The following PEX5L variants were observed in gnomAD, a reference collection of about 807,000 sequenced individuals.
The protein encoded by PEX5L is PEX5-related protein.
PEX5L carries 30 observed loss-of-function variants against 84.0 expected under a neutral mutation model. The ratio of observed to expected loss-of-function variants is 0.36; its 90% confidence interval spans 0.27 to 0.48. PEX5L has a LOEUF of 0.48. PEX5L is among the 20% of genes least tolerant of loss of function. The pLI is 0.99. For missense variants in PEX5L, 533 were observed against 754.6 expected (o/e 0.71, Z 3.44); for synonymous variants, 270 against 283.1 (o/e 0.95, Z 0.46).
At chr3:179,945,691 C>T (rs976505880) in intron 2 of PEX5L, among the ~76,000 whole-genome samples, 5 of 152,186 alleles carry the variant, frequency 3.3e-5, no homozygotes, top group Non-Finnish European at 7.3e-5. Flanking sequence ...GACACCTTTC[C>T]TTGGGAGTGC....
At chr3:179,979,729 C>A (rs1786140678) in intron 1 of PEX5L, among the ~76,000 whole-genome samples, 1 of 152,198 alleles carries the variant, frequency 6.6e-6, no homozygotes, top group South Asian at 2.1e-4. Context: ...AGAAAAATAA[C>A]AAATAATCTA....
At chr3:179,916,966 G>A (rs1350244680) in intron 2 of PEX5L, among the ~76,000 whole-genome samples, 2 of 151,384 alleles carry the variant, frequency 1.3e-5, no homozygotes, top group African/African-American at 2.4e-5. Flanking sequence ...CACCATGCCC[G>A]ACCTAAAAAA....
intron 2 of PEX5L, among the ~76,000 whole-genome samples, chr3:179,916,990 C>T (rs554821812): frequency 7.2e-6 from 1 of 139,226 alleles, no homozygotes; most frequent in Non-Finnish European, 1.6e-5. Context: ...CTTTTTGATC[C>T]TTTTGTAATA....
At chr3:179,880,722 A>G (rs1327196546) in intron 4 of PEX5L, among the ~76,000 whole-genome samples, 1 of 152,246 alleles carries the variant, frequency 6.6e-6, no homozygotes, top group African/African-American at 2.4e-5. Context: ...TTGAATTTCA[A>G]TGTAACTAAC....
At chr3:179,862,947 G>C (rs1560433547) in intron 7 of PEX5L, among the ~76,000 whole-genome samples, 1 of 152,146 alleles carries the variant, frequency 6.6e-6, no homozygotes, top group Non-Finnish European at 1.5e-5. Context: ...ATATTACAAA[G>C]CTATAGTGAT....
intron 2 of PEX5L, among the ~76,000 whole-genome samples, chr3:179,915,623 C>A (rs923336548): frequency 2.0e-5 from 3 of 152,112 alleles, no homozygotes; most frequent in Non-Finnish European, 2.9e-5. Context: ...CATTTTCTGA[C>A]TTTCTGAATT....
At chr3:179,884,253 A>T (rs1268542674) in intron 4 of PEX5L, among the ~76,000 whole-genome samples, 1 of 152,176 alleles carries the variant, frequency 6.6e-6, no homozygotes, top group African/African-American at 2.4e-5. Flanking sequence ...GACTTTGCAG[A>T]TGTAATTAAG....
At chr3:179,913,357 T>C (rs915950789) in intron 2 of PEX5L, among the ~76,000 whole-genome samples, 1 of 152,166 alleles carries the variant, frequency 6.6e-6, no homozygotes, top group African/African-American at 2.4e-5. Context: ...TATAAAAACA[T>C]AGACACATTT....
intron 4 of PEX5L, among the ~76,000 whole-genome samples, chr3:179,884,232 A>G (rs1001808291): frequency 6.6e-6 from 1 of 152,210 alleles, no homozygotes; most frequent in Non-Finnish European, 1.5e-5. Context: ...GACATGTCAC[A>G]TGGCAAAAGG....
Position 179,906,712 on chromosome 3 carries a change from AT to A in PEX5L, c.94-8467del, listed in dbSNP as rs372045902. Among the ~76,000 whole-genome samples the A allele has an allele frequency of 4.1e-3, 621 of 151,978 alleles. 6 individuals carry two copies. Among genetic ancestry groups the A allele is most frequent in the African/African-American group, 0.013 (541 of 41,498 alleles). On this transcript the variant is annotated intron_variant, in intron 2 of 14. Coordinates refer to ENST00000467460, the MANE Select transcript of PEX5L (RefSeq NM_016559.3). ...TATCTCAGATCATTTGCAAACAGGCATTTTTTTTGGTGTTATTTTTAAGTAA... is the reference window on the plus strand; with the variant it reads ...TATCTCAGATCATTTGCAAACAGGCATTTTTTTGGTGTTATTTTTAAGTAA...
chr3:179,868,701 C>G (rs1198081250), intron 7 of PEX5L, among the ~76,000 whole-genome samples: 1 of 152,118 alleles, frequency 6.6e-6, no homozygotes, highest in Non-Finnish European at 1.5e-5. Context: ...ACCAGCTATT[C>G]TCTCTGAGAC....
intron 2 of PEX5L, among the ~76,000 whole-genome samples, chr3:179,954,985 A>G (rs914819332): frequency 6.6e-6 from 1 of 151,984 alleles, no homozygotes; most frequent in Non-Finnish European, 1.5e-5. Flanking sequence ...TACAGTGTCT[A>G]TATTTGTGTT....
At chr3:179,922,417 C>T (rs533117174) in intron 2 of PEX5L, among the ~76,000 whole-genome samples, 1 of 151,094 alleles carries the variant, frequency 6.6e-6, no homozygotes, top group South Asian at 2.1e-4. Context: ...TTGTCCAGTG[C>T]TGTTTTTAGA....
chr3:179,951,122 C>T (rs1778974389), intron 2 of PEX5L, among the ~76,000 whole-genome samples: 1 of 152,186 alleles, frequency 6.6e-6, no homozygotes, highest in African/African-American at 2.4e-5. Flanking sequence ...CTCCCTCCCA[C>T]CTCAATGAAA....
At chr3:179,834,785 G>A (rs922095652) in intron 8 of PEX5L, among the ~76,000 whole-genome samples, 2 of 152,206 alleles carry the variant, frequency 1.3e-5, no homozygotes, top group East Asian at 1.9e-4. Flanking sequence ...CTATGGGACT[G>A]TTATGGGTTG....
intron 8 of PEX5L, among the ~76,000 whole-genome samples, chr3:179,841,335 AC>A (rs1377752687): frequency 1.3e-4 from 20 of 150,754 alleles, no homozygotes; most frequent in African/African-American, 4.1e-4. Flanking sequence ...TTCCACTTCC[AC>A]TCCCTGTTCC....
chr3:179,886,960 A>C (rs1756072984), intron 4 of PEX5L, among the ~76,000 whole-genome samples: 1 of 152,200 alleles, frequency 6.6e-6, no homozygotes, highest in Non-Finnish European at 1.5e-5. Flanking sequence ...TTTGAATGAC[A>C]TGACTTTGAA....
At chr3:179,855,698 C>T (rs909801173) in intron 8 of PEX5L, among the ~76,000 whole-genome samples, 12 of 152,080 alleles carry the variant, frequency 7.9e-5, no homozygotes, top group South Asian at 2.1e-4. Flanking sequence ...GTCACGAGGG[C>T]GGGGCTGTCA....
chr3:179,809,667 A>G lies in PEX5L; in HGVS notation c.1156T>C (p.Cys386Arg). 6.9e-7 allele frequency: 1 copy of G among 1,458,848 alleles called. No homozygotes were observed. Among genetic ancestry groups the G allele is most frequent in the Non-Finnish European group, 9.0e-7 (1 of 1,113,764 alleles). 90.4% of individuals were successfully genotyped at this position (1,458,848 alleles called of 1,614,324 possible). A position where few individuals can be genotyped will look rare whatever the true frequency, so the allele number is the denominator to read the frequency against. The change falls in exon 12 of 15, where the codon TGC becomes CGC. Residue 386 changes from cysteine (C) to arginine (R), a missense_variant and splice_region_variant. By Grantham distance (180) the Cys-to-Arg change is radical. Coordinates refer to ENST00000467460, the MANE Select transcript of PEX5L (RefSeq NM_016559.3). ...EQAAIVALQR[C>R]LELQPNNLKA... ...AAGTTGTTGGGCTGTAATTCTAAGC[A>G]CCTGAAAAAAAAAAAGAAGCCAATT...
Sources: gnomAD v4.1 joint callset for allele counts (sites outside exome capture counted in the v4.1 genomes callset) on GRCh38, gnomAD v4.1.1 for gene constraint, MANE v1.5 for transcripts, NCBI Gene and HGNC (gene_info 2026-07-23, HGNC 2026-07-21) for gene names.